The following RANBP2 variants were observed in gnomAD, a reference collection of about 807,000 sequenced individuals.
The protein encoded by RANBP2 is RAN binding protein 2.
RANBP2 carries 57 observed loss-of-function variants against 303.6 expected under a neutral mutation model. The observed-to-expected ratio is 0.19, with a 90% CI of 0.15 to 0.23. The LOEUF is 0.23. Among genes scored for constraint, RANBP2 ranks in the 10% least tolerant of loss-of-function variants. The probability of loss-of-function intolerance (pLI) is 1.00; values close to 1 mark genes in which losing one functional copy is unlikely to be tolerated. For missense variants in RANBP2, 3,138 were observed against 3,780.8 expected (o/e 0.83, Z 4.46); for synonymous variants, 1,167 against 1,301.5 (o/e 0.90, Z 2.23).
chr2:109,116,737 C>T, the RANBP2 span, among the ~76,000 whole-genome samples: 1 of 152,292 alleles, frequency 6.6e-6, no homozygotes, highest in East Asian at 1.9e-4. Flanking sequence ...TTTTTCTGCT[C>T]TGTTTTTTCC....
chr2:109,104,041 G>T, the RANBP2 span, among the ~76,000 whole-genome samples: 7 of 152,032 alleles, frequency 4.6e-5, no homozygotes, highest in Non-Finnish European at 7.4e-5. Context: ...TGATCCGCCC[G>T]CCTCGGCCTC....
At chr2:108,944,560 G>C in the RANBP2 span, among the ~76,000 whole-genome samples, 2 of 152,114 alleles carry the variant, frequency 1.3e-5, no homozygotes, top group African/African-American at 4.8e-5. Context: ...ATTGATAATG[G>C]GCTCCTTCAC....
the RANBP2 span, among the ~76,000 whole-genome samples, chr2:109,630,390 G>A: frequency 6.6e-6 from 1 of 152,122 alleles, no homozygotes; most frequent in Non-Finnish European, 1.5e-5. Flanking sequence ...CCCAAGGCCA[G>A]GTAGTACTCC....
At chr2:108,753,701 A>C in intron 14 of RANBP2, 124 bp from the exon 15 acceptor site, 1 of 1,580,668 alleles carries the variant, frequency 6.3e-7, no homozygotes, top group East Asian at 2.3e-5. Context: ...TCCCAGGCTC[A>C]AGCGATTCTT....
chr2:108,895,209 T>C, the RANBP2 span: 5 of 152,646 alleles, frequency 3.3e-5, no homozygotes, highest in South Asian at 2.1e-4. Flanking sequence ...TCTCACAGTA[T>C]GTACTACATT....
At chr2:109,365,005 C>G in the RANBP2 span, among the ~76,000 whole-genome samples, 2 of 152,070 alleles carry the variant, frequency 1.3e-5, no homozygotes, top group African/African-American at 4.8e-5. Flanking sequence ...GCAGAAGGAT[C>G]GTGAGACTCT....
chr2:109,530,639 G>A, the RANBP2 span, among the ~76,000 whole-genome samples: 1 of 152,192 alleles, frequency 6.6e-6, no homozygotes, highest in African/African-American at 2.4e-5. Flanking sequence ...GAGCCGAGGG[G>A]GCATGTGCTG....
Position 108,766,654 on chromosome 2 carries a change from C to A in RANBP2, c.6115C>A (p.Arg2039=), listed in dbSNP as rs766455181. ...EEDEKVLYSQ[R]VKLFRFDAEV... Reference sequence around the variant, plus strand: ...AGATGAAAAAGTTCTGTATTCACAGCGGGTAAAACTATTTAGATTTGATGC... The same window carrying A: ...AGATGAAAAAGTTCTGTATTCACAGAGGGTAAAACTATTTAGATTTGATGC... The change falls in exon 20 of 29, where the codon CGG becomes AGG. Residue 2039 remains arginine, a synonymous_variant. Coordinates refer to ENST00000283195, the MANE Select transcript of RANBP2 (RefSeq NM_006267.5). 1.2e-6 allele frequency: 2 copies of A among 1,611,864 alleles called. No individual in the cohort carries two copies. Among genetic ancestry groups the A allele is most frequent in the South Asian group, 1.1e-5 (1 of 90,980 alleles).
the RANBP2 span, among the ~76,000 whole-genome samples, chr2:109,622,283 C>T: frequency 6.6e-6 from 1 of 152,178 alleles, no homozygotes; most frequent in Non-Finnish European, 1.5e-5. Context: ...GGCAGACTGG[C>T]TCTAAGGTTT....
At chr2:108,934,126 C>T in the RANBP2 span, among the ~76,000 whole-genome samples, 1 of 152,140 alleles carries the variant, frequency 6.6e-6, no homozygotes, top group Non-Finnish European at 1.5e-5. Context: ...TAAAACGTTC[C>T]CAGGTAAACC....
the RANBP2 span, among the ~76,000 whole-genome samples, chr2:108,837,906 G>T: frequency 6.6e-6 from 1 of 151,886 alleles, no homozygotes; most frequent in South Asian, 2.1e-4. Flanking sequence ...AACTTATGAG[G>T]TGTCTATAAT....
At chr2:109,241,402 G>T in the RANBP2 span, among the ~76,000 whole-genome samples, 524 of 152,312 alleles carry the variant, frequency 3.4e-3, 2 homozygotes, top group African/African-American at 0.012. Flanking sequence ...GGCCATATGG[G>T]TATAGATGCA....
At chr2:109,582,819 T>C in the RANBP2 span, among the ~76,000 whole-genome samples, 2 of 152,064 alleles carry the variant, frequency 1.3e-5, no homozygotes, top group Non-Finnish European at 2.9e-5. Context: ...GGTTGTGGTA[T>C]AAAAACAGAC....
At chr2:109,213,718 T>A in the RANBP2 span, among the ~76,000 whole-genome samples, 1 of 152,220 alleles carries the variant, frequency 6.6e-6, no homozygotes, top group East Asian at 1.9e-4. Context: ...CTGGCCTTTA[T>A]CCTTTACCTT....
chr2:109,519,167 C>T, the RANBP2 span, among the ~76,000 whole-genome samples: 3 of 152,120 alleles, frequency 2.0e-5, no homozygotes, highest in East Asian at 5.8e-4. Context: ...GATCTGCCCA[C>T]CTCAACCTCC....
the RANBP2 span, among the ~76,000 whole-genome samples, chr2:109,348,729 G>A: frequency 2.6e-5 from 4 of 152,158 alleles, no homozygotes; most frequent in Admixed American, 2.6e-4. Context: ...TGCTTGCTGG[G>A]TCCTCTCTCC....
At position 108,751,946 on chromosome 2, in the gene RANBP2, C is replaced by T; in HGVS notation, c.1707C>T (p.Gly569=). The change falls in exon 12 of 29, where the codon GGC becomes GGT. Residue 569 remains glycine, a synonymous_variant. Coordinates refer to ENST00000283195, the MANE Select transcript of RANBP2 (RefSeq NM_006267.5). ...CTCTAAGAGCCCAGGAAAAACATGG[C>T]CTTCAACCTGCTCTGCTTGTACATT... ...INTLRAQEKH[G]LQPALLVHWA... 1 of 1,611,942 alleles carries T rather than the reference C, an allele frequency of 6.2e-7. No individual in the cohort carries two copies.
the RANBP2 span, among the ~76,000 whole-genome samples, chr2:108,981,208 C>T: frequency 6.6e-6 from 1 of 152,192 alleles, no homozygotes; most frequent in African/African-American, 2.4e-5. Context: ...CGTTCCACCA[C>T]CAGCACGGGA....
At chr2:109,543,950 T>C in the RANBP2 span, 1 of 566,446 alleles carries the variant, frequency 1.8e-6, no homozygotes, top group Admixed American at 3.4e-5. Flanking sequence ...GAAAGTAATT[T>C]ATACAAAAAT....
Sources: allele counts gnomAD v4.1 joint callset (sites outside exome capture counted in the v4.1 genomes callset), GRCh38; gene constraint gnomAD v4.1.1; transcripts MANE v1.5; gene names NCBI Gene and HGNC (gene_info 2026-07-23, HGNC 2026-07-21).